The following LAMA2 variants were observed in gnomAD, a reference collection of about 807,000 sequenced individuals.
LAMA2 encodes the protein laminin subunit alpha 2.
A neutral mutation model predicts 364.8 loss-of-function variants in LAMA2; 269 were observed. That is an observed-to-expected ratio of 0.74 (90% CI 0.67 to 0.82). The LOEUF (loss-of-function observed/expected upper bound fraction) is 0.82, where lower values mean the gene tolerates loss of function less well. Among genes scored for constraint, LAMA2 ranks in the 40% least tolerant of loss-of-function variants. The probability of loss-of-function intolerance (pLI) is 0.00; values close to 1 mark genes in which losing one functional copy is unlikely to be tolerated. For synonymous variants in LAMA2, 1,379 were observed against 1,370.6 expected, an observed-to-expected ratio of 1.01 and a Z score of -0.14; for missense variants, 3,807 against 3,873.2, an observed-to-expected ratio of 0.98 and a Z score of 0.45.
intron 1 of LAMA2, among the ~76,000 whole-genome samples, chr6:128,945,944 A>G (rs1045350221): frequency 2.6e-5 from 4 of 152,256 alleles, no homozygotes; most frequent in Non-Finnish European, 2.9e-5. Context: ...AACTTAATCA[A>G]GTGAACTCCT....
chr6:129,249,348 A>G (rs1429897616), intron 12 of LAMA2, among the ~76,000 whole-genome samples: 2 of 152,194 alleles, frequency 1.3e-5, no homozygotes, highest in African/African-American at 2.4e-5. Context: ...CACAGCTTCA[A>G]TTTTGATTCC....
intron 34 of LAMA2, among the ~76,000 whole-genome samples, chr6:129,372,333 C>A (rs910429951): frequency 1.3e-5 from 2 of 152,188 alleles, no homozygotes; most frequent in African/African-American, 4.8e-5. Flanking sequence ...CCCCTGGCAA[C>A]CACTCATATT....
rs142965498 is a variant in LAMA2, at chr6:129,192,842, C to G, written c.1771C>G (p.Leu591Val). ...CTACTGGAGCGCGCCGGCTCCCTAT[C>G]TGGGAAACAAAGTAAGTCCACGCTT... Reference protein sequence around the residue: ...SYYWSAPAPYLGNKLPAVGGQ... With the variant: ...SYYWSAPAPYVGNKLPAVGGQ... Residue 591 changes from leucine (L) to valine (V), a missense_variant, in exon 12 of 65, where the codon CTG becomes GTG. Physicochemically the swap from Leu to Val is conservative, Grantham distance 32. This residue lies in a region of LAMA2 where 3,333 missense variants were observed against 3,345.7 expected (regional missense o/e 1.00). Transcript: ENST00000421865. The G allele has an allele frequency of 1.9e-6, 3 of 1,613,988 alleles. No individual in the cohort carries two copies. Among genetic ancestry groups the G allele is most frequent in the Middle Eastern group, 3.3e-4 (2 of 6,056 alleles).
chr6:129,185,786 T>C (rs1176523497), intron 10 of LAMA2, among the ~76,000 whole-genome samples: 1 of 151,822 alleles, frequency 6.6e-6, no homozygotes, highest in Non-Finnish European at 1.5e-5. Context: ...AGTATTTACG[T>C]ATGGATTATT....
At chr6:129,366,831 C>T (rs911988775) in intron 33 of LAMA2, among the ~76,000 whole-genome samples, 2 of 152,188 alleles carry the variant, frequency 1.3e-5, no homozygotes, top group Non-Finnish European at 2.9e-5. Flanking sequence ...TAACTCATTT[C>T]TCCTACCTTA....
intron 4 of LAMA2, among the ~76,000 whole-genome samples, chr6:129,129,731 C>T (rs917335829): frequency 9.2e-5 from 14 of 151,630 alleles, no homozygotes; most frequent in Admixed American, 2.0e-4. Flanking sequence ...GAGACCATCC[C>T]GGCTAAAACG....
chr6:128,913,882 T>C (rs1019053042), intron 1 of LAMA2, among the ~76,000 whole-genome samples: 4 of 152,168 alleles, frequency 2.6e-5, no homozygotes, highest in African/African-American at 9.7e-5. Flanking sequence ...TTTTACATTA[T>C]AGCCAAAGTC....
intron 1 of LAMA2, among the ~76,000 whole-genome samples, chr6:128,911,494 G>T (rs1777948797): frequency 6.6e-6 from 1 of 152,096 alleles, no homozygotes; most frequent in South Asian, 2.1e-4. Flanking sequence ...CCCTGCTTCG[G>T]CTCACGCACG....
intron 29 of LAMA2, among the ~76,000 whole-genome samples, chr6:129,335,377 T>TAGAG (rs945393218): frequency 6.6e-6 from 1 of 151,762 alleles, no homozygotes; most frequent in African/African-American, 2.4e-5. Flanking sequence ...GATAGATAGA[T>TAGAG]AGATAGATAG....
intron 12 of LAMA2, among the ~76,000 whole-genome samples, chr6:129,202,690 A>G (rs1782381947): frequency 6.6e-6 from 1 of 152,224 alleles, no homozygotes; most frequent in South Asian, 2.1e-4. Flanking sequence ...TTAAAGTATT[A>G]GGAAAAAACA....
chr6:129,278,825 T>G (rs1367285210), intron 17 of LAMA2, among the ~76,000 whole-genome samples: 1 of 152,166 alleles, frequency 6.6e-6, no homozygotes, highest in Non-Finnish European at 1.5e-5. Context: ...ATGATAGACT[T>G]ACCTGGTCCT....
intron 12 of LAMA2, among the ~76,000 whole-genome samples, chr6:129,208,454 A>G (rs1322545547): frequency 6.7e-6 from 1 of 150,250 alleles, no homozygotes; most frequent in Non-Finnish European, 1.5e-5. Flanking sequence ...CCCCTCACAC[A>G]TAAACAGACA....
intron 9 of LAMA2, among the ~76,000 whole-genome samples, chr6:129,166,816 T>C (rs1779769363): frequency 6.6e-6 from 1 of 152,170 alleles, no homozygotes; most frequent in Non-Finnish European, 1.5e-5. Context: ...TTTCTGATAT[T>C]GCTCCTCTTA....
At chr6:129,245,246 A>G (rs1045774214) in intron 12 of LAMA2, among the ~76,000 whole-genome samples, 3 of 152,146 alleles carry the variant, frequency 2.0e-5, no homozygotes, top group African/African-American at 7.2e-5. Flanking sequence ...TTGAAAAGAG[A>G]TATAATTTTC....
chr6:129,420,420 G>A (rs893866665), intron 40 of LAMA2, among the ~76,000 whole-genome samples: 2 of 144,496 alleles, frequency 1.4e-5, no homozygotes, highest in Non-Finnish European at 3.0e-5. Context: ...AGTTTGAGCA[G>A]TTTTCTTTAT....
intron 22 of LAMA2, among the ~76,000 whole-genome samples, chr6:129,311,288 A>T (rs886907673): frequency 6.6e-6 from 1 of 151,922 alleles, no homozygotes; most frequent in Admixed American, 6.6e-5. Flanking sequence ...CGCCCGGCTA[A>T]TTTTTTGTGT....
intron 34 of LAMA2, among the ~76,000 whole-genome samples, chr6:129,371,190 C>T (rs901642749): frequency 6.6e-6 from 1 of 151,610 alleles, no homozygotes; most frequent in African/African-American, 2.4e-5. Flanking sequence ...GCCTAAGTTA[C>T]GTGTTGGCAG....
chr6:129,257,765 C>T lies in LAMA2; in HGVS notation c.2097-2946C>T, dbSNP rs929933501. ...AGTTAGATTTCACAATACATTCAGG[C>T]GAGTTCTGGTCTCTGGCCTCAAGTT... On this transcript the variant is annotated intron_variant, in intron 14 of 64. Coordinates refer to ENST00000421865, the MANE Select transcript of LAMA2 (RefSeq NM_000426.4). Among the ~76,000 whole-genome samples the T allele has an allele frequency of 3.9e-5, 6 of 152,162 alleles. No homozygotes were observed. The East Asian group carries it at 5.8e-4, about 15-fold the overall frequency.
chr6:129,063,642 A>G (rs535251410), intron 3 of LAMA2, among the ~76,000 whole-genome samples: 144 of 152,140 alleles, frequency 9.5e-4, no homozygotes, highest in African/African-American at 3.4e-3. Flanking sequence ...TAAGCAATTC[A>G]CTTCTCTTCC....
Sources: allele counts gnomAD v4.1 joint callset (sites outside exome capture counted in the v4.1 genomes callset), GRCh38; gene constraint gnomAD v4.1.1; regional missense constraint gnomAD v4.1.1; transcripts MANE v1.5; gene names NCBI Gene and HGNC (gene_info 2026-07-23, HGNC 2026-07-21).